LAMB4: variants seen among roughly 807,000 people sequenced by gnomAD.
LAMB4 encodes the protein laminin subunit beta-4.
In LAMB4, 196 loss-of-function variants were observed where a neutral mutation model predicts 199.2. The observed-to-expected ratio is 0.98, with a 90% CI of 0.88 to 1.11. The LOEUF (loss-of-function observed/expected upper bound fraction) is 1.11. LAMB4 is among the 50% of genes least tolerant of loss of function. The probability of loss-of-function intolerance (pLI) is 0.00; values close to 1 mark genes in which losing one functional copy is unlikely to be tolerated. For missense variants in LAMB4, 2,080 were observed against 2,171.2 expected, an observed-to-expected ratio of 0.96 and a Z score of 0.83; for synonymous variants, 744 against 770.6, an observed-to-expected ratio of 0.97 and a Z score of 0.57.
In LAMB4 at chr7:108,037,507, A is replaced by G. The variant is rs1377590656; in HGVS notation, c.4560T>C (p.Asp1520=). 2.5e-6 allele frequency: 4 copies of G among 1,613,996 alleles called. No homozygotes were observed. The African/African-American group carries it at 4.0e-5, about 16-fold the overall frequency. Residue 1520 remains aspartate (D), a synonymous_variant, in exon 30 of 34, where the codon GAT becomes GAC. Transcript: ENST00000388781. ...TATGTTTCTGTATTTTGACAAGTTCATCGGTTAGATTTTGGGATGGAATTG... is the reference window on the plus strand; with the variant it reads ...TATGTTTCTGTATTTTGACAAGTTCGTCGGTTAGATTTTGGGATGGAATTG... ...HLPIPSQNLT[D]ELVKIQKHMQ...
rs750051708 is a variant in LAMB4 at position 108,065,786 on chromosome 7, A to G, written c.2812T>C (p.Cys938Arg). The G allele has an allele frequency of 1.9e-6, 3 of 1,614,174 alleles. No homozygotes were observed. The highest frequency in any genetic ancestry group is 1.1e-5 in the South Asian group (1 of 91,078). Reference protein sequence around the residue: ...YQNLWSSDVICNCLQGYTGTQ... With the variant: ...YQNLWSSDVIRNCLQGYTGTQ... Reference sequence around the variant, plus strand: ...CCCGTATAACCTTGAAGACAATTGCAGATTACATCTGAGCTCCACAGATTC... The same window carrying G: ...CCCGTATAACCTTGAAGACAATTGCGGATTACATCTGAGCTCCACAGATTC... Residue 938 changes from cysteine to arginine, a missense_variant, in exon 21 of 34, where the codon TGC (cysteine) becomes CGC (arginine). By Grantham distance (180) the Cys-to-Arg change is radical. Transcript: ENST00000388781.
At chr7:108,068,288 A>C (rs1017007850) in intron 18 of LAMB4, 129 bp from the exon 19 acceptor site, 5 of 866,218 alleles carry the variant, frequency 5.8e-6, no homozygotes, top group African/African-American at 1.7e-5. Context: ...TCATCTGTTA[A>C]ATAGGAATAA....
chr7:108,043,553 T>G (rs1362254613), intron 29 of LAMB4, among the ~76,000 whole-genome samples, 199 bp downstream of exon 29: 7 of 8,410 alleles, frequency 8.3e-4, no homozygotes, highest in East Asian at 4.0e-3. Flanking sequence ...ATGTTTTTTT[T>G]TTTTTTTTTT....
In LAMB4 at chr7:108,056,008, C is replaced by T. The variant is rs1320150245; in HGVS notation, c.3380-1G>A. On this transcript the variant is annotated splice_acceptor_variant, in intron 24 of 33. Transcript: ENST00000388781. LOFTEE classifies it high-confidence loss of function. Reference sequence around the variant, plus strand: ...GTACCTGCCCTGTTACAATCACATGCTAAAAAGGAAAACAGAAGGAGCAGA... The same window carrying T: ...GTACCTGCCCTGTTACAATCACATGTTAAAAAGGAAAACAGAAGGAGCAGA... The T allele has an allele frequency of 3.8e-6, 6 of 1,598,656 alleles. No individual in the cohort carries two copies. In the Admixed American group the frequency reaches 1.0e-4, roughly 28 times the overall value.
At position 108,023,905 on chromosome 7, in the gene LAMB4, G is replaced by C. The variant is rs1216666696; in HGVS notation, c.*134C>G. Reference sequence around the variant, plus strand: ...TTCAACCTCCAGCCACACTGAGCAGGTGTCTAATAAGGACAGGGTGTGGGG... The same window carrying C: ...TTCAACCTCCAGCCACACTGAGCAGCTGTCTAATAAGGACAGGGTGTGGGG... On this transcript the variant is annotated 3_prime_UTR_variant, in exon 34 of 34. Coordinates refer to ENST00000388781, the MANE Select transcript of LAMB4 (RefSeq NM_007356.3). The C allele has an allele frequency of 1.8e-6, 1 of 566,238 alleles. No homozygotes were observed. The highest frequency in any genetic ancestry group is 2.8e-6 in the Non-Finnish European group (1 of 353,222). 35.1% of individuals were successfully genotyped at this position (566,238 alleles called of 1,614,324 possible). A position where few individuals can be genotyped will look rare whatever the true frequency, so the allele number is the denominator to read the frequency against.
At chr7:108,060,312 C>T (rs1197428893) in intron 23 of LAMB4, among the ~76,000 whole-genome samples, 2 of 152,170 alleles carry the variant, frequency 1.3e-5, no homozygotes, top group African/African-American at 2.4e-5. Flanking sequence ...GTCTAAGAAA[C>T]TTGCCACATA....
intron 11 of LAMB4, among the ~76,000 whole-genome samples, chr7:108,096,533 G>T (rs1000174630): frequency 6.6e-6 from 1 of 152,026 alleles, no homozygotes; most frequent in African/African-American, 2.4e-5. Context: ...TTTCTTTTGT[G>T]GGGGGATGAA....
intron 17 of LAMB4, among the ~76,000 whole-genome samples, 182 bp downstream of exon 17, chr7:108,076,762 A>C (rs2036717247): frequency 6.6e-6 from 1 of 152,182 alleles, no homozygotes; most frequent in South Asian, 2.1e-4. Flanking sequence ...ATAATATGTA[A>C]AACACTCCAA....
chr7:108,026,742 C>CA, intron 33 of LAMB4: 1 of 314,314 alleles, frequency 3.2e-6, no homozygotes. Flanking sequence ...GTCCATTCCC[C>CA]ACTCTCTCAA....
At chr7:108,052,021 C>T (rs373673583) in intron 26 of LAMB4, 76 bp downstream of exon 26, 150 of 1,206,960 alleles carry the variant, frequency 1.2e-4, no homozygotes, top group South Asian at 7.7e-4. Context: ...AAGCAGGGGA[C>T]GACTCACTAA....
chr7:108,110,662 G>A (rs2038191200), intron 4 of LAMB4, among the ~76,000 whole-genome samples: 1 of 152,150 alleles, frequency 6.6e-6, no homozygotes, highest in Admixed American at 6.5e-5. Context: ...CATTGGCTTG[G>A]ACAGAGTGAC....
chr7:108,030,993 A>G lies in LAMB4; in HGVS notation c.4819-14T>C. ...TTGATTTTCAGCCTGTTGTTGATTT[A>G]AAGACCAAAAAGGGAAAATCTCTTT... On this transcript the variant is annotated splice_polypyrimidine_tract_variant and intron_variant, in intron 31 of 33. Transcript: ENST00000388781. 6.2e-7 allele frequency: 1 copy of G among 1,609,380 alleles called. No individual in the cohort carries two copies. The highest frequency in any genetic ancestry group is 8.5e-7 in the Non-Finnish European group (1 of 1,176,990).
chr7:108,020,828 C>T (rs2034677223), downstream of LAMB4, among the ~76,000 whole-genome samples: 1 of 152,168 alleles, frequency 6.6e-6, no homozygotes, highest in Admixed American at 6.5e-5. Context: ...GGTTGTTCCA[C>T]TGAATTAGAA....
Position 108,103,060 on chromosome 7 carries a change from A to T in LAMB4, c.1164T>A (p.Asp388Glu). The change falls in exon 10 of 34, where the codon GAT becomes GAA. Residue 388 changes from aspartate to glutamate, a missense_variant. Asp to Glu is a conservative substitution (Grantham distance 45). Coordinates refer to ENST00000388781, the MANE Select transcript of LAMB4 (RefSeq NM_007356.3). ...FYRDPLKTIS[D>E]PYACIPCECD... Reference sequence around the variant, plus strand: ...GGGACTCACGAATGCACGCGTAGGGATCTGAGATGGTCTTGAGCGGGTCCC... The same window carrying T: ...GGGACTCACGAATGCACGCGTAGGGTTCTGAGATGGTCTTGAGCGGGTCCC... 1 of 1,601,640 alleles carries T rather than the reference A, an allele frequency of 6.2e-7. No individual in the cohort carries two copies. The highest frequency in any genetic ancestry group is 8.5e-7 in the Non-Finnish European group (1 of 1,170,726).
chr7:108,073,992 T>C (rs1371089459), intron 17 of LAMB4, among the ~76,000 whole-genome samples: 4 of 152,122 alleles, frequency 2.6e-5, no homozygotes, highest in Non-Finnish European at 5.9e-5. Flanking sequence ...AGCTGAGCAT[T>C]TATAAGGCAC....
the LAMB4 span, among the ~76,000 whole-genome samples, chr7:108,014,241 G>A: frequency 6.6e-6 from 1 of 152,100 alleles, no homozygotes; most frequent in African/African-American, 2.4e-5. Context: ...GTGTCTTCTG[G>A]CCAGCTAAAA....
At chr7:108,063,056 A>C in intron 22 of LAMB4, 62 bp from the exon 23 acceptor site, 3 of 1,122,682 alleles carry the variant, frequency 2.7e-6, no homozygotes, top group Non-Finnish European at 3.7e-6. Flanking sequence ...TTAGCAAACC[A>C]TACAAACAGC....
chr7:108,106,411 C>T, intron 7 of LAMB4, 98 bp downstream of exon 7: 1 of 730,718 alleles, frequency 1.4e-6, no homozygotes, highest in South Asian at 1.8e-5. Flanking sequence ...GGGCAAGACT[C>T]CGTCTCAAGA....
At position 108,111,960 on chromosome 7, in the gene LAMB4, T is replaced by C. The variant is rs541080592; in HGVS notation, c.193-14A>G. 3 of 1,579,138 alleles carry C rather than the reference T, an allele frequency of 1.9e-6. No homozygotes were observed. In the South Asian group the frequency reaches 3.6e-5, roughly 19 times the overall value. On this transcript the variant is annotated splice_polypyrimidine_tract_variant and intron_variant, in intron 3 of 33. Transcript: ENST00000388781. The stretch of plus-strand genomic sequence containing the variant: ...TTTTTGTTCCCCCTGGAAAACACCA[T>C]TATTAAAATTAAAAATAAAAATTGG...
Sources: gnomAD v4.1 joint callset for allele counts (sites outside exome capture counted in the v4.1 genomes callset) on GRCh38, gnomAD v4.1.1 for gene constraint, MANE v1.5 for transcripts, NCBI Gene and HGNC (gene_info 2026-07-23, HGNC 2026-07-21) for gene names.